L3MBTL3: variants seen among roughly 807,000 people sequenced by gnomAD.
The protein encoded by L3MBTL3 is lethal(3)malignant brain tumor-like protein 3.
L3MBTL3 carries 27 observed loss-of-function variants against 102.3 expected under a neutral mutation model. The observed-to-expected ratio is 0.26, with a 90% CI of 0.19 to 0.36. The LOEUF (loss-of-function observed/expected upper bound fraction) is 0.36. Ranked by LOEUF, L3MBTL3 falls within the 10% of genes least tolerant of loss-of-function variation. The probability of loss-of-function intolerance (pLI) is 1.00; values close to 1 mark genes in which losing one functional copy is unlikely to be tolerated. For missense variants in L3MBTL3, 798 were observed against 955.3 expected, an observed-to-expected ratio of 0.84 and a Z score of 2.17; for synonymous variants, 340 against 320.9, an observed-to-expected ratio of 1.06 and a Z score of -0.64.
chr6:130,092,972 C>G, intron 17 of L3MBTL3, 113 bp downstream of exon 17: 1 of 588,854 alleles, frequency 1.7e-6, no homozygotes, highest in Admixed American at 3.2e-5. Context: ...TGTTTCTTCT[C>G]TATGTAATCC....
intron 20 of L3MBTL3, among the ~76,000 whole-genome samples, chr6:130,126,035 A>G (rs1377994094): frequency 6.7e-6 from 1 of 150,144 alleles, no homozygotes; most frequent in Non-Finnish European, 1.5e-5. Flanking sequence ...ATGCTACTGA[A>G]TTTGATCTTT....
rs998046474 is a variant in L3MBTL3, at chr6:130,034,511, G to A, written c.-15-8174G>A. Among the ~76,000 whole-genome samples the A allele has an allele frequency of 7.2e-5, 11 of 152,222 alleles. No homozygotes were observed. In the South Asian group the frequency reaches 2.3e-3, roughly 32 times the overall value. On this transcript the variant is annotated intron_variant, in intron 2 of 22. Coordinates refer to ENST00000361794, the MANE Select transcript of L3MBTL3 (RefSeq NM_032438.4). ...GTAGTTTTGTTCGCACAATGTGTCT[G>A]AGTCATCATTGCATTTGACATTTCA...
Position 130,066,716 on chromosome 6 carries a change from T to C in L3MBTL3, c.1000+228T>C, listed in dbSNP as rs528321886. On this transcript the variant is annotated intron_variant, in intron 11 of 22. Transcript: ENST00000361794. Reference sequence around the variant, plus strand: ...GCTTATTTTCATGTAAAATAACATTTGCATGATACTCAACTTTGACTACAA... The same window carrying C: ...GCTTATTTTCATGTAAAATAACATTCGCATGATACTCAACTTTGACTACAA... Among the ~76,000 whole-genome samples the C allele has an allele frequency of 9.8e-5, 15 of 152,308 alleles. No individual in the cohort carries two copies. The East Asian group carries it at 2.5e-3, about 25-fold the overall frequency.
intron 1 of L3MBTL3, among the ~76,000 whole-genome samples, chr6:130,019,994 C>A (rs1584257039): frequency 1.3e-5 from 1 of 79,678 alleles, no homozygotes; most frequent in Admixed American, 1.8e-4. Flanking sequence ...GCGGCGGTCG[C>A]GGCGGCGGCG....
rs1434803738 is a variant in L3MBTL3 at position 130,140,070 on chromosome 6, G to C, written c.*317G>C. The C allele has an allele frequency of 5.4e-6, 1 of 185,472 alleles. No individual in the cohort carries two copies. The highest frequency in any genetic ancestry group is 1.6e-4 in the East Asian group (1 of 6,414). The allele number at this position is 185,472 out of a possible 1,614,324, so 11.5% of individuals were successfully genotyped here. A position where few individuals can be genotyped will look rare whatever the true frequency, so the allele number is the denominator to read the frequency against. On this transcript the variant is annotated 3_prime_UTR_variant, in exon 23 of 23. Coordinates refer to ENST00000361794, the MANE Select transcript of L3MBTL3 (RefSeq NM_032438.4). ...ATTATTTATGGTAATGGGGGGCAGA[G>C]TAAGAACTTTTGGCATTTTGTAAAC...
chr6:130,022,343 C>T (rs570421121), intron 2 of L3MBTL3, 38 bp downstream of exon 2: 5 of 152,280 alleles, frequency 3.3e-5, no homozygotes, highest in African/African-American at 9.6e-5. Context: ...CTTGACATAC[C>T]TGCAAATGTT....
At chr6:130,036,461 T>C (rs1465621005) in intron 2 of L3MBTL3, among the ~76,000 whole-genome samples, 1 of 152,240 alleles carries the variant, frequency 6.6e-6, no homozygotes, top group Admixed American at 6.5e-5. Flanking sequence ...AGGTTAGATA[T>C]ATGTTTTCAG....
At chr6:130,109,169 G>A (rs1284290832) in intron 19 of L3MBTL3, among the ~76,000 whole-genome samples, 1 of 152,176 alleles carries the variant, frequency 6.6e-6, no homozygotes, top group Non-Finnish European at 1.5e-5. Context: ...GTAAACATAT[G>A]TGTTCATGTG....
At chr6:130,034,879 A>G (rs1474585051) in intron 2 of L3MBTL3, among the ~76,000 whole-genome samples, 1 of 152,224 alleles carries the variant, frequency 6.6e-6, no homozygotes, top group African/African-American at 2.4e-5. Flanking sequence ...AACCATAAAT[A>G]CGTAGTCTGC....
At chr6:130,060,215 T>C (rs1781801318) in intron 10 of L3MBTL3, 75 bp downstream of exon 10, 2 of 817,430 alleles carry the variant, frequency 2.4e-6, no homozygotes, top group African/African-American at 3.5e-5. Flanking sequence ...AAAACTGCCA[T>C]TGGTTGTATT....
rs965191285 is a variant in L3MBTL3 at position 130,051,151 on chromosome 6, T to A, written c.290-98T>A. 4.3e-5 allele frequency: 41 copies of A among 958,414 alleles called. No homozygotes were observed. The African/African-American group carries it at 6.2e-4, about 15-fold the overall frequency. 59.4% of individuals were successfully genotyped at this position (958,414 alleles called of 1,614,324 possible). A position where few individuals can be genotyped will look rare whatever the true frequency, so the allele number is the denominator to read the frequency against. On this transcript the variant is annotated intron_variant, in intron 5 of 22. Transcript: ENST00000361794. ...TCATTCAGCAAACACTATTCTTTAT[T>A]GTGTTGCTAACAAAATTATTAGAAG... is the stretch of plus-strand genomic sequence containing the variant.
chr6:130,054,655 A>G (rs535529143), intron 7 of L3MBTL3, among the ~76,000 whole-genome samples: 3 of 152,210 alleles, frequency 2.0e-5, no homozygotes, highest in African/African-American at 7.2e-5. Context: ...TTTGGCCATG[A>G]TGGGTTTGAA....
chr6:130,116,970 TTTTTTTA>T (rs1489580001), intron 19 of L3MBTL3, among the ~76,000 whole-genome samples: 5 of 130,404 alleles, frequency 3.8e-5, no homozygotes, highest in Non-Finnish European at 9.1e-5. Flanking sequence ...TATTTATTTA[TTTTTTTA>T]TTTTTTTATT....
chr6:130,063,175 G>A (rs140808903), intron 10 of L3MBTL3, among the ~76,000 whole-genome samples: 11 of 152,200 alleles, frequency 7.2e-5, no homozygotes, highest in African/African-American at 2.6e-4. Context: ...GGAGTCTCTT[G>A]CATTACAACA....
At chr6:130,026,143 A>G (rs1156270760) in intron 2 of L3MBTL3, among the ~76,000 whole-genome samples, 1 of 152,138 alleles carries the variant, frequency 6.6e-6, no homozygotes, top group Admixed American at 6.5e-5. Flanking sequence ...GTTAAGTGCA[A>G]TTGTATATCG....
chr6:130,126,777 T>C (rs1357727106), intron 20 of L3MBTL3, among the ~76,000 whole-genome samples: 1 of 152,026 alleles, frequency 6.6e-6, no homozygotes, highest in Non-Finnish European at 1.5e-5. Context: ...CCCTCTGCCT[T>C]CTCTGAAGGT....
At chr6:130,045,261 G>C (rs1780657249) in intron 3 of L3MBTL3, among the ~76,000 whole-genome samples, 1 of 151,958 alleles carries the variant, frequency 6.6e-6, no homozygotes, top group African/African-American at 2.4e-5. Context: ...TGCCACTCTT[G>C]TTTTCTCCCC....
chr6:130,124,807 C>T (rs529433545), intron 20 of L3MBTL3, among the ~76,000 whole-genome samples: 1 of 152,056 alleles, frequency 6.6e-6, no homozygotes, highest in East Asian at 1.9e-4. Context: ...CCAGTCTTTA[C>T]TAAAAATACG....
At chr6:130,028,061 C>T (rs1400495592) in intron 2 of L3MBTL3, among the ~76,000 whole-genome samples, 1 of 148,842 alleles carries the variant, frequency 6.7e-6, no homozygotes, top group Non-Finnish European at 1.5e-5. Context: ...TGTGATTTCA[C>T]TTTCTGTGTA....
Sources: gnomAD v4.1 joint callset for allele counts (sites outside exome capture counted in the v4.1 genomes callset) on GRCh38, gnomAD v4.1.1 for gene constraint, MANE v1.5 for transcripts, NCBI Gene and HGNC (gene_info 2026-07-23, HGNC 2026-07-21) for gene names.